The following DGKG variants were observed in gnomAD, a reference collection of about 807,000 sequenced individuals.
The protein encoded by DGKG is DAG kinase gamma.
DGKG carries 78 observed loss-of-function variants against 105.3 expected under a neutral mutation model. The ratio of observed to expected loss-of-function variants is 0.74; its 90% CI spans 0.62 to 0.89. The LOEUF is 0.89. DGKG is among the 40% of genes least tolerant of loss of function. DGKG has a pLI of 0.00. For missense variants in DGKG, 958 were observed against 1,020.1 expected, an observed-to-expected ratio of 0.94 and a Z score of 0.83; for synonymous variants, 346 against 367.1, an observed-to-expected ratio of 0.94 and a Z score of 0.66.
chr3:186,316,590 CTA>C (rs1362192251), intron 2 of DGKG, among the ~76,000 whole-genome samples: 1 of 152,082 alleles, frequency 6.6e-6, no homozygotes, highest in Non-Finnish European at 1.5e-5. Flanking sequence ...TTACTGTCAG[CTA>C]TATGTGTGTG....
At chr3:186,293,198 G>A (rs1450471072) in intron 5 of DGKG, among the ~76,000 whole-genome samples, 1 of 152,312 alleles carries the variant, frequency 6.6e-6, no homozygotes, top group East Asian at 1.9e-4. Flanking sequence ...TTGGGCAAAT[G>A]TACAATGACA....
chr3:186,149,271 G>A lies in DGKG; in HGVS notation c.*819C>T. 2.0e-6 allele frequency: 2 copies of A among 984,704 alleles called. No individual in the cohort carries two copies. The highest frequency in any genetic ancestry group is 2.4e-6 in the Non-Finnish European group (2 of 829,780). 61.0% of individuals were successfully genotyped at this position (984,704 alleles called of 1,614,324 possible). On this transcript the variant is annotated 3_prime_UTR_variant, in exon 25 of 25. Coordinates refer to ENST00000265022, the MANE Select transcript of DGKG (RefSeq NM_001346.3). ...TCCTTCCCTTTTTACACAATATTAT[G>A]ACACCAATTTGAAAAATAAATCCCA... is the stretch of plus-strand genomic sequence containing the variant.
At chr3:186,270,393 G>T (rs191564641) in intron 11 of DGKG, among the ~76,000 whole-genome samples, 1 of 152,194 alleles carries the variant, frequency 6.6e-6, no homozygotes, top group Non-Finnish European at 1.5e-5. Flanking sequence ...GCCTCCTAAA[G>T]TTCTGGGATT....
Position 186,320,524 on chromosome 3 carries a change from G to T in DGKG, c.-65C>A. On this transcript the variant is annotated 5_prime_UTR_variant, in exon 2 of 25. Coordinates refer to ENST00000265022, the MANE Select transcript of DGKG (RefSeq NM_001346.3). ...GTTTTGTTCACTAGGCTGAAGTGGA[G>T]GCCCAGCCCAGGGCCTGGCTCATTG... 1 of 1,613,270 alleles carries T rather than the reference G, an allele frequency of 6.2e-7. No individual in the cohort carries two copies. Among genetic ancestry groups the T allele is most frequent in the Non-Finnish European group, 8.5e-7 (1 of 1,179,480 alleles).
rs146039827 is a variant in DGKG at position 186,354,144 on chromosome 3, A to G, written c.-249+7802T>C. Among the ~76,000 whole-genome samples the G allele has an allele frequency of 3.4e-3, 512 of 152,230 alleles. 1 individual carries two copies. The highest frequency in any genetic ancestry group is 0.012 in the African/African-American group (478 of 41,528). Reference sequence around the variant, plus strand: ...AGAGTAACCATTTTGTGTGGCTTCCAAGGAAGGGACACCCTGGCCTTCTGG... The same window carrying G: ...AGAGTAACCATTTTGTGTGGCTTCCGAGGAAGGGACACCCTGGCCTTCTGG... On this transcript the variant is annotated intron_variant, in intron 1 of 24. Coordinates refer to ENST00000265022, the MANE Select transcript of DGKG (RefSeq NM_001346.3).
Position 186,242,493 on chromosome 3 carries a change from C to T in DGKG, c.1826+11G>A. The T allele has an allele frequency of 6.2e-7, 1 of 1,610,736 alleles. No homozygotes were observed. The highest frequency in any genetic ancestry group is 1.3e-5 in the African/African-American group (1 of 75,052). On this transcript the variant is annotated intron_variant, in intron 20 of 24. Transcript: ENST00000265022. ...TGGGTGGGTGGCAGCGCAGCCGGGC[C>T]TGCAGCTTACCTGCTGTTGAATTTT...
chr3:186,161,223 T>A, intron 24 of DGKG: 2 of 1,000,652 alleles, frequency 2.0e-6, no homozygotes, highest in Non-Finnish European at 1.2e-6. Flanking sequence ...GGAAGCAATT[T>A]GACTTGTTCA....
chr3:186,280,805 G>A, intron 7 of DGKG, 61 bp from the exon 8 acceptor site: 1 of 1,463,970 alleles, frequency 6.8e-7, no homozygotes, highest in South Asian at 1.2e-5. Context: ...GTCATTAAGA[G>A]CCGAACTCAA....
chr3:186,257,907 C>T lies in DGKG; in HGVS notation c.1457G>A (p.Arg486His), dbSNP rs983790707. The T allele has an allele frequency of 5.0e-6, 8 of 1,613,898 alleles. No homozygotes were observed. In the African/African-American group the frequency reaches 5.3e-5, roughly 11 times the overall value. The change falls in exon 17 of 25, where the codon CGT (arginine) becomes CAT (histidine). Residue 486 changes from arginine to histidine, a missense_variant. Arg to His is a conservative substitution (Grantham distance 29). This residue lies in a region of DGKG where 315 missense variants were observed against 400.6 expected (regional missense o/e 0.79). Transcript: ENST00000265022. The stretch of plus-strand genomic sequence containing the variant: ...CCCATCTCCACCACAGGCCAAAACA[C>T]GGAAGTCTGGAGTATCACGGAAAAA... ...LNFFRDTPDF[R>H]VLACGGDGTV... is the part of the protein sequence containing the mutation.
intron 20 of DGKG, among the ~76,000 whole-genome samples, chr3:186,218,555 G>C (rs2108527095): frequency 6.9e-6 from 1 of 144,934 alleles, no homozygotes; most frequent in East Asian, 2.0e-4. Context: ...TGCTTTCCAA[G>C]GTTTCTCCAA....
intron 14 of DGKG, 173 bp from the exon 15 acceptor site, chr3:186,261,951 G>A: frequency 1.8e-6 from 1 of 546,388 alleles, no homozygotes; most frequent in South Asian, 2.0e-5. Context: ...AGTGTCTCCA[G>A]TTTGAATGGC....
At chr3:186,314,419 A>G (rs1298430287) in intron 2 of DGKG, among the ~76,000 whole-genome samples, 1 of 152,172 alleles carries the variant, frequency 6.6e-6, no homozygotes, top group Non-Finnish European at 1.5e-5. Flanking sequence ...CAGTTTTAAA[A>G]TGTGTAATGC....
At chr3:186,278,442 G>A (rs1722683889) in intron 9 of DGKG, among the ~76,000 whole-genome samples, 1 of 152,260 alleles carries the variant, frequency 6.6e-6, no homozygotes, top group East Asian at 1.9e-4. Flanking sequence ...TGATGTGAGC[G>A]AGTAAGGGGG....
chr3:186,354,488 G>A (rs2108676858), intron 1 of DGKG, among the ~76,000 whole-genome samples: 1 of 152,324 alleles, frequency 6.6e-6, no homozygotes, highest in East Asian at 1.9e-4. Flanking sequence ...AGAAAGGAGT[G>A]ATGGACCCAA....
chr3:186,181,941 G>A (rs1717376859), intron 22 of DGKG, among the ~76,000 whole-genome samples: 1 of 152,222 alleles, frequency 6.6e-6, no homozygotes, highest in African/African-American at 2.4e-5. Context: ...GAGGAAATAT[G>A]CAGGAAGCCT....
At chr3:186,255,345 G>C (rs1443325899) in intron 17 of DGKG, among the ~76,000 whole-genome samples, 1 of 152,234 alleles carries the variant, frequency 6.6e-6, no homozygotes, top group African/African-American at 2.4e-5. Flanking sequence ...GGAATCCATG[G>C]AGATAATGCA....
intron 1 of DGKG, among the ~76,000 whole-genome samples, chr3:186,346,354 T>C (rs1726331182): frequency 6.6e-6 from 1 of 152,254 alleles, no homozygotes; most frequent in South Asian, 2.1e-4. Context: ...CCATGCCCTC[T>C]AGTGCCCTCT....
At chr3:186,236,642 T>C (rs1396792329) in intron 20 of DGKG, among the ~76,000 whole-genome samples, 1 of 152,236 alleles carries the variant, frequency 6.6e-6, no homozygotes, top group Non-Finnish European at 1.5e-5. Flanking sequence ...AAACTCAAGC[T>C]ACATTAGGGC....
At chr3:186,252,274 G>A (rs1721263440) in intron 18 of DGKG, among the ~76,000 whole-genome samples, 1 of 152,248 alleles carries the variant, frequency 6.6e-6, no homozygotes, top group African/African-American at 2.4e-5. Context: ...CAGTGTGGCA[G>A]GCAGAATTTT....
Sources: allele counts gnomAD v4.1 joint callset (sites outside exome capture counted in the v4.1 genomes callset), GRCh38; gene constraint gnomAD v4.1.1; regional missense constraint gnomAD v4.1.1; transcripts MANE v1.5; gene names NCBI Gene and HGNC (gene_info 2026-07-23, HGNC 2026-07-21).